Variants in RAD52 observed in about 807,000 individuals in gnomAD.
The protein encoded by RAD52 is DNA repair protein RAD52 homolog.
Under a neutral mutation model 55.5 loss-of-function variants are expected in RAD52, and 47 were observed. The ratio of observed to expected loss-of-function variants is 0.85; its 90% confidence interval spans 0.67 to 1.08. The LOEUF (loss-of-function observed/expected upper bound fraction) is 1.08. RAD52 is among the 50% of genes least tolerant of loss of function. The probability of loss-of-function intolerance (pLI) is 0.00; values close to 1 mark genes in which losing one functional copy is unlikely to be tolerated. For synonymous variants in RAD52, 184 were observed against 198.9 expected (o/e 0.92, Z 0.63); for missense variants, 468 against 522.8 (o/e 0.90, Z 1.02).
In RAD52 at chr12:914,522, C is replaced by A; in HGVS notation, c.876G>T (p.Pro292=). The change falls in exon 10 of 12, where the codon CCG becomes CCT. Residue 292 remains proline (P), a synonymous_variant. Coordinates refer to ENST00000358495, the MANE Select transcript of RAD52 (RefSeq NM_134424.4). ...PSAEKSEAAP[P]APPVTHSTPV... is the part of the protein sequence containing the mutation. ...GAGTGCTGTGCGTCACAGGAGGGGC[C>A]GGAGGCGCTGCTACGGTTCACAGAG... The A allele has an allele frequency of 6.2e-7, 1 of 1,613,426 alleles. No individual in the cohort carries two copies. The highest frequency in any genetic ancestry group is 1.3e-5 in the African/African-American group (1 of 75,012).
intron 2 of RAD52, among the ~76,000 whole-genome samples, chr12:932,732 T>A (rs1957385973): frequency 7.1e-6 from 1 of 140,904 alleles, no homozygotes; most frequent in Non-Finnish European, 1.5e-5. Flanking sequence ...GAAAAACCAA[T>A]AACAAATAGC....
chr12:950,823 A>C (rs1012663346), upstream of RAD52, among the ~76,000 whole-genome samples: 7 of 152,132 alleles, frequency 4.6e-5, no homozygotes, highest in African/African-American at 1.7e-4. Context: ...AATAAATCTC[A>C]AAATTGTATT....
At chr12:958,583 T>C (rs905772909) in intron 1 of RAD52, among the ~76,000 whole-genome samples, 9 of 152,332 alleles carry the variant, frequency 5.9e-5, no homozygotes, top group Admixed American at 3.9e-4. Flanking sequence ...TGGGAGACTG[T>C]TGAAGTCATG....
At chr12:956,124 T>C (rs983702799) in intron 1 of RAD52, among the ~76,000 whole-genome samples, 2 of 152,330 alleles carry the variant, frequency 1.3e-5, no homozygotes, top group East Asian at 3.9e-4. Context: ...GACTCAGCTC[T>C]GGCCAATAGA....
rs1029808801 is a variant in RAD52, at chr12:916,692, G to A, written c.672C>T (p.Ser224=). The part of the protein sequence containing the change: ...LGHPQLQQVT[S]PSRPSHAVIP... ...TCACAGCATGGCTGGGTCTGGAAGG[G>A]GAGGTCACCTGCTGCAGCTGTGGGT... The change falls in exon 8 of 12, where the codon TCC becomes TCT. Residue 224 remains serine (S), a synonymous_variant. Transcript: ENST00000358495. The A allele has an allele frequency of 1.9e-6, 3 of 1,614,168 alleles. No individual in the cohort carries two copies. Among genetic ancestry groups the A allele is most frequent in the Admixed American group, 1.7e-5 (1 of 60,026 alleles).
At chr12:924,947 ATTTTTT>A (rs10708242) in intron 7 of RAD52, among the ~76,000 whole-genome samples, 1 of 105,616 alleles carries the variant, frequency 9.5e-6, no homozygotes, top group Non-Finnish European at 2.0e-5. Context: ...AAATGGTGTG[ATTTTTT>A]TTTTTTTTTT....
chr12:916,680 G>A lies in RAD52; in HGVS notation c.684C>T (p.Pro228=), dbSNP rs762210304. 6.2e-7 allele frequency: 1 copy of A among 1,614,092 alleles called. No homozygotes were observed. Residue 228 remains proline, a synonymous_variant, in exon 8 of 12, where the codon CCC becomes CCT. Coordinates refer to ENST00000358495, the MANE Select transcript of RAD52 (RefSeq NM_134424.4). The part of the protein sequence containing the change: ...QLQQVTSPSR[P]SHAVIPADQD... ...GGTCCGCCGGTATCACAGCATGGCT[G>A]GGTCTGGAAGGGGAGGTCACCTGCT...
chr12:958,717 C>T (rs996287460), intron 1 of RAD52, among the ~76,000 whole-genome samples: 6 of 152,148 alleles, frequency 3.9e-5, no homozygotes, highest in African/African-American at 9.7e-5. Flanking sequence ...GTGTGCTTCA[C>T]GTGGAACACA....
intron 6 of RAD52, 49 bp from the exon 7 acceptor site, chr12:925,574 A>G (rs1246941271): frequency 7.1e-7 from 1 of 1,417,526 alleles, no homozygotes. Flanking sequence ...ATTGTTACAC[A>G]TGAATATCAG....
chr12:942,179 A>C (rs1957955059), intron 1 of RAD52, among the ~76,000 whole-genome samples: 1 of 152,226 alleles, frequency 6.6e-6, no homozygotes, highest in Non-Finnish European at 1.5e-5. Context: ...TGGAAGACCT[A>C]CAACTACATG....
chr12:931,169 T>C, intron 3 of RAD52, 51 bp downstream of exon 3: 1 of 1,454,258 alleles, frequency 6.9e-7, no homozygotes, highest in Non-Finnish European at 9.6e-7. Context: ...GGCAAGACCA[T>C]CGGAGTCTGC....
chr12:933,073 A>G lies in RAD52; in HGVS notation c.-15T>C, dbSNP rs777150445. ...GTCCCAGACATCTTGATTCTGGTTG[A>G]CCTCTATATAAATAAAAAGCGGAAA... On this transcript the variant is annotated 5_prime_UTR_variant, in exon 2 of 12. Transcript: ENST00000358495. 3.8e-6 allele frequency: 6 copies of G among 1,598,996 alleles called. No individual in the cohort carries two copies. The highest frequency in any genetic ancestry group is 5.1e-6 in the Non-Finnish European group (6 of 1,171,086).
rs147664362 is a variant in RAD52 at position 962,320 on chromosome 12, C to T, written c.-19+27489G>A. Among the ~76,000 whole-genome samples, 705 of 149,084 alleles carry T rather than the reference C, an allele frequency of 4.7e-3. 6 individuals are homozygous for T. Among genetic ancestry groups the T allele is most frequent in the Middle Eastern group, 0.011 (3 of 284 alleles). ...ATGCACAATGAGGAGTTAGAGGTGG[C>T]CCCATCTGCCACGCTTTCTTTCCTT... On this transcript the variant is annotated intron_variant, in intron 1 of 11. Coordinates refer to the RAD52 transcript ENST00000430095.
chr12:964,940 C>T (rs995630334), intron 1 of RAD52, among the ~76,000 whole-genome samples: 7 of 123,198 alleles, frequency 5.7e-5, no homozygotes, highest in Non-Finnish European at 1.2e-4. Flanking sequence ...ATGTATTATA[C>T]TCATCTTTGC....
intron 1 of RAD52, among the ~76,000 whole-genome samples, chr12:946,895 C>T (rs898711245): frequency 2.0e-5 from 3 of 152,212 alleles, no homozygotes; most frequent in Non-Finnish European, 4.4e-5. Context: ...CAAGATAACA[C>T]GTTTTGGTGT....
intron 1 of RAD52, chr12:975,205 A>ATG (rs1555183304): frequency 1.4e-5 from 2 of 147,540 alleles, no homozygotes; most frequent in African/African-American, 5.0e-5. Context: ...ATCCACTGGG[A>ATG]GGGGGGTCCT....
chr12:973,290 C>G (rs1327651095), intron 1 of RAD52, among the ~76,000 whole-genome samples: 1 of 151,996 alleles, frequency 6.6e-6, no homozygotes, highest in African/African-American at 2.4e-5. Context: ...AGGATGGTCT[C>G]GATCTCCTGA....
rs116101520 is a variant in RAD52, at chr12:960,320, T to C, written c.-18-27244A>G. The stretch of plus-strand genomic sequence containing the variant: ...GAGAATCTATAGAGGATCCAAACTG[T>C]TGGACTTGACCATAGTTTGGATAAT... On this transcript the variant is annotated intron_variant, in intron 1 of 11. Coordinates refer to the RAD52 transcript ENST00000430095. 4.5e-3 allele frequency among the ~76,000 whole-genome samples: 679 copies of C among 152,254 alleles called. 7 individuals are homozygous for C. The highest frequency in any genetic ancestry group is 0.015 in the African/African-American group (643 of 41,528).
In RAD52 at chr12:930,976, A is replaced by AT. The variant is rs1453920473; in HGVS notation, c.186+243dup. ...ACAGAGCAAGACCCTGTCTTTAAAA[A>AT]TAAAAAAAAAAAAAGATGATGTAAA... On this transcript the variant is annotated intron_variant, in intron 3 of 11. Transcript: ENST00000358495. 5.8e-5 allele frequency among the ~76,000 whole-genome samples: 7 copies of AT among 121,678 alleles called. No homozygotes were observed. In the South Asian group the frequency reaches 1.4e-3, roughly 25 times the overall value. 79.8% of individuals were successfully genotyped at this position (121,678 alleles called of 152,430 possible).
Sources: allele counts gnomAD v4.1 joint callset (sites outside exome capture counted in the v4.1 genomes callset), GRCh38; gene constraint gnomAD v4.1.1; transcripts MANE v1.5; gene names NCBI Gene and HGNC (gene_info 2026-07-23, HGNC 2026-07-21).